XPR1: variants seen among roughly 807,000 people sequenced by gnomAD.
XPR1 encodes the protein solute carrier family 53 member 1.
In XPR1, 28 loss-of-function variants were observed where a neutral mutation model predicts 87.5. The observed-to-expected ratio is 0.32, with a 90% CI of 0.24 to 0.44. The LOEUF is 0.44. Ranked by LOEUF, XPR1 falls within the 20% of genes least tolerant of loss-of-function variation. The probability of loss-of-function intolerance (pLI) is 1.00; values close to 1 mark genes in which losing one functional copy is unlikely to be tolerated. For missense variants in XPR1, 559 were observed against 862.3 expected, an observed-to-expected ratio of 0.65 and a Z score of 4.41; for synonymous variants, 300 against 306.1, an observed-to-expected ratio of 0.98 and a Z score of 0.21.
intron 11 of XPR1, among the ~76,000 whole-genome samples, chr1:180,840,532 T>TTGTGTGTG (rs373937004): frequency 0.017 from 1,910 of 110,256 alleles, 23 homozygotes; most frequent in African/African-American, 0.03. Context: ...GTTAACATAT[T>TTGTGTGTG]TGTGTGTGTG....
At chr1:180,711,466 C>T (rs2101984729) in intron 2 of XPR1, among the ~76,000 whole-genome samples, 1 of 152,294 alleles carries the variant, frequency 6.6e-6, no homozygotes, top group Admixed American at 6.5e-5. Context: ...ATACGAAAAC[C>T]AGTCAGGCAT....
At chr1:180,747,242 A>C (rs936398510) in intron 2 of XPR1, among the ~76,000 whole-genome samples, 1 of 152,220 alleles carries the variant, frequency 6.6e-6, no homozygotes, top group Non-Finnish European at 1.5e-5. Flanking sequence ...AGTAATCTTA[A>C]CAATTTAGCT....
chr1:180,822,910 A>G (rs1310793027), intron 7 of XPR1, among the ~76,000 whole-genome samples: 1 of 152,232 alleles, frequency 6.6e-6, no homozygotes, highest in African/African-American at 2.4e-5. Flanking sequence ...TACAGAGAAT[A>G]CAAAGGTAAA....
intron 7 of XPR1, among the ~76,000 whole-genome samples, chr1:180,816,507 A>G (rs1571864773): frequency 6.6e-6 from 1 of 152,204 alleles, no homozygotes; most frequent in Non-Finnish European, 1.5e-5. Context: ...ACATATGTCC[A>G]CCAAAAGACA....
chr1:180,856,082 A>G (rs1322046438), intron 11 of XPR1, among the ~76,000 whole-genome samples: 5 of 152,190 alleles, frequency 3.3e-5, no homozygotes, highest in Admixed American at 2.0e-4. Context: ...CATCTGGTCT[A>G]GTCTTTTTTC....
intron 12 of XPR1, 140 bp downstream of exon 12, chr1:180,864,014 C>T (rs1032180056): frequency 3.0e-5 from 19 of 636,120 alleles, no homozygotes; most frequent in African/African-American, 2.8e-4. Flanking sequence ...CTAATTCATT[C>T]GGTCAGCAAA....
chr1:180,640,761 A>G (rs73047690), intron 1 of XPR1, among the ~76,000 whole-genome samples: 6,519 of 152,306 alleles, frequency 0.043, 494 homozygotes, highest in African/African-American at 0.15. Flanking sequence ...TTACGAAGAT[A>G]AATCAGAAGA....
intron 2 of XPR1, among the ~76,000 whole-genome samples, chr1:180,749,281 C>T (rs1175795197): frequency 1.3e-5 from 2 of 152,142 alleles, no homozygotes; most frequent in African/African-American, 4.8e-5. Context: ...ATGTCTGTTG[C>T]TTATTATTGT....
chr1:180,835,677 C>A (rs1369314203), intron 10 of XPR1, among the ~76,000 whole-genome samples: 1 of 152,258 alleles, frequency 6.6e-6, no homozygotes, highest in East Asian at 1.9e-4. Flanking sequence ...ACACTCAATT[C>A]TGAATTTCAG....
intron 3 of XPR1, among the ~76,000 whole-genome samples, chr1:180,798,245 A>AT (rs976914573): frequency 6.6e-6 from 1 of 151,902 alleles, no homozygotes; most frequent in African/African-American, 2.4e-5. Flanking sequence ...TTGACTAGGC[A>AT]TTTTTTTTAA....
intron 9 of XPR1, among the ~76,000 whole-genome samples, chr1:180,827,246 T>C (rs1650884019): frequency 6.7e-6 from 1 of 149,904 alleles, no homozygotes; most frequent in African/African-American, 2.5e-5. Context: ...CGCCTTGGCC[T>C]CCCAAAGTGC....
intron 11 of XPR1, among the ~76,000 whole-genome samples, chr1:180,861,545 T>C (rs1277106032): frequency 6.6e-6 from 1 of 152,166 alleles, no homozygotes; most frequent in African/African-American, 2.4e-5. Flanking sequence ...GTTGATAATT[T>C]ATGACATAAT....
At chr1:180,691,080 T>G (rs113314668) in intron 2 of XPR1, among the ~76,000 whole-genome samples, 2,555 of 152,222 alleles carry the variant, frequency 0.017, 78 homozygotes, top group African/African-American at 0.056. Context: ...ACATACGGTA[T>G]TTTTTAAAAT....
chr1:180,695,180 C>T (rs182719514), intron 2 of XPR1, among the ~76,000 whole-genome samples: 1 of 152,050 alleles, frequency 6.6e-6, no homozygotes, highest in Non-Finnish European at 1.5e-5. Context: ...ACCTATTGGC[C>T]ATTTGTATGT....
intron 14 of XPR1, among the ~76,000 whole-genome samples, chr1:180,883,533 A>G (rs1652911963): frequency 6.6e-6 from 1 of 152,036 alleles, no homozygotes; most frequent in Admixed American, 6.6e-5. Context: ...ACATGGTGAA[A>G]GCCCATCTCT....
Position 180,632,135 on chromosome 1 carries a change from G to C in XPR1, c.-67G>C, listed in dbSNP as rs1359712229. The C allele has an allele frequency of 1.3e-6, 2 of 1,549,802 alleles. No individual in the cohort carries two copies. The highest frequency in any genetic ancestry group is 3.5e-4 in the Middle Eastern group (2 of 5,758). ...GCCGGGGCCCATGTGGGGAGGAGTC[G>C]GAGTCGCTGTTGCCGCCGCCGCCTG... On this transcript the variant is annotated 5_prime_UTR_variant, in exon 1 of 15. Coordinates refer to ENST00000367590, the MANE Select transcript of XPR1 (RefSeq NM_004736.4).
At chr1:180,841,783 C>T (rs1558035057) in intron 11 of XPR1, among the ~76,000 whole-genome samples, 1 of 151,996 alleles carries the variant, frequency 6.6e-6, no homozygotes, top group African/African-American at 2.4e-5. Flanking sequence ...ATATCTTAAT[C>T]ATATTGGTAA....
chr1:180,865,824 C>T (rs945535343), intron 12 of XPR1, among the ~76,000 whole-genome samples: 5 of 152,072 alleles, frequency 3.3e-5, no homozygotes, highest in African/African-American at 4.8e-5. Context: ...TACATATTTT[C>T]ATGACTCTAA....
chr1:180,702,777 A>G (rs1167063215), intron 2 of XPR1, among the ~76,000 whole-genome samples: 2 of 151,448 alleles, frequency 1.3e-5, no homozygotes, highest in Non-Finnish European at 2.9e-5. Context: ...CATTTCATAA[A>G]TTTCTCTTTT....
Sources: gnomAD v4.1 joint callset for allele counts (sites outside exome capture counted in the v4.1 genomes callset) on GRCh38, gnomAD v4.1.1 for gene constraint, MANE v1.5 for transcripts, NCBI Gene and HGNC (gene_info 2026-07-23, HGNC 2026-07-21) for gene names.